Variants in KIRREL3 observed in about 807,000 individuals in gnomAD.
KIRREL3 encodes kin of IRRE-like protein 3.
In KIRREL3, 36 loss-of-function variants were observed where a neutral mutation model predicts 89.7. The observed-to-expected ratio is 0.40, with a 90% CI of 0.31 to 0.53. The LOEUF (loss-of-function observed/expected upper bound fraction) is 0.53. Among genes scored for constraint, KIRREL3 ranks in the 20% least tolerant of loss-of-function variants. The pLI is 0.49. For synonymous variants in KIRREL3, 445 were observed against 441.4 expected (o/e 1.01, Z -0.10); for missense variants, 864 against 1,056.6 (o/e 0.82, Z 2.53).
At chr11:126,468,734 G>C (rs1011818045) in intron 5 of KIRREL3, among the ~76,000 whole-genome samples, 1 of 152,248 alleles carries the variant, frequency 6.6e-6, no homozygotes, top group African/African-American at 2.4e-5. Flanking sequence ...CATTTATCCA[G>C]TCCTTACTCC....
At chr11:126,425,997 C>T (rs758108216) in intron 15 of KIRREL3, among the ~76,000 whole-genome samples, 1 of 152,184 alleles carries the variant, frequency 6.6e-6, no homozygotes, top group Non-Finnish European at 1.5e-5. Flanking sequence ...CTCGCTTGGG[C>T]GAGGGCATCA....
In KIRREL3 at chr11:126,501,156, T is replaced by C. The variant is rs1957848522; in HGVS notation, c.433+20159A>G. Among the ~76,000 whole-genome samples, 1 of 152,332 alleles carries C rather than the reference T, an allele frequency of 6.6e-6. No homozygotes were observed. The highest frequency in any genetic ancestry group is 2.4e-5 in the African/African-American group (1 of 41,572). ...TGCAAGGACACTACTGGTGGACAGC[T>C]GGTCCGTCCCACACTTTTCTCTGCA... On this transcript the variant is annotated intron_variant, in intron 4 of 16. Coordinates refer to ENST00000525144, the MANE Select transcript of KIRREL3 (RefSeq NM_032531.4). The surrounding 1 kb of genome is among the most constrained non-coding windows in gnomAD (Gnocchi z 5.8).
Position 126,734,812 on chromosome 11 carries a change from G to T in KIRREL3, c.56-171900C>A, listed in dbSNP as rs1003826339. Among the ~76,000 whole-genome samples, 7 of 152,200 alleles carry T rather than the reference G, an allele frequency of 4.6e-5. No homozygotes were observed. The highest frequency in any genetic ancestry group is 1.3e-4 in the Admixed American group (2 of 15,272). On this transcript the variant is annotated intron_variant, in intron 1 of 16. Coordinates refer to ENST00000525144, the MANE Select transcript of KIRREL3 (RefSeq NM_032531.4). The surrounding 1 kb of genome is among the most constrained non-coding windows in gnomAD (Gnocchi z 5.9). ...TGATGAGCAGGTCAGAGAAGTTTTCGTTGGAGGGGTACTTTCTGAACGATT... is the reference window on the plus strand; with the variant it reads ...TGATGAGCAGGTCAGAGAAGTTTTCTTTGGAGGGGTACTTTCTGAACGATT...
rs149825689 is a variant in KIRREL3 at position 126,781,728 on chromosome 11, C to T, written c.55+218727G>A. ...CGGCCCATGCATCACGCAAGGACAC[C>T]AAAGGGCTCTGTGGGCCACCCGGCT... is the stretch of plus-strand genomic sequence containing the variant. On this transcript the variant is annotated intron_variant, in intron 1 of 16. Coordinates refer to ENST00000525144, the MANE Select transcript of KIRREL3 (RefSeq NM_032531.4). Among the ~76,000 whole-genome samples, 1,113 of 152,236 alleles carry T rather than the reference C, an allele frequency of 7.3e-3. 3 individuals are homozygous for T. Among genetic ancestry groups the T allele is most frequent in the Non-Finnish European group, 0.012 (793 of 68,016 alleles).
Position 126,462,435 on chromosome 11 carries a change from C to T in KIRREL3, c.742+722G>A, listed in dbSNP as rs984885885. ...ATCCCAGCACTTTAGGAGGCCAAGG[C>T]GGGCGGAACACTTGAGGTCAGGAGT... On this transcript the variant is annotated intron_variant, in intron 6 of 16. Transcript: ENST00000525144. The surrounding 1 kb of genome is among the most constrained non-coding windows in gnomAD (Gnocchi z 4.8). 3.3e-5 allele frequency among the ~76,000 whole-genome samples: 5 copies of T among 152,252 alleles called. No homozygotes were observed. Among genetic ancestry groups the T allele is most frequent in the South Asian group, 2.1e-4 (1 of 4,828 alleles).
chr11:126,564,673 T>G lies in KIRREL3; in HGVS notation c.56-1761A>C, dbSNP rs373663666. Among the ~76,000 whole-genome samples, 14 of 152,330 alleles carry G rather than the reference T, an allele frequency of 9.2e-5. No homozygotes were observed. Among genetic ancestry groups the G allele is most frequent in the African/African-American group, 3.4e-4 (14 of 41,580 alleles). On this transcript the variant is annotated intron_variant, in intron 1 of 16. Coordinates refer to ENST00000525144, the MANE Select transcript of KIRREL3 (RefSeq NM_032531.4). The surrounding 1 kb of genome is among the most constrained non-coding windows in gnomAD (Gnocchi z 7.4). ...AGGCCTTGGCCCTTTCTTCAGGGGCTCCTGCTCTGTCGCAGGCCTCATGGA... is the reference window on the plus strand; with the variant it reads ...AGGCCTTGGCCCTTTCTTCAGGGGCGCCTGCTCTGTCGCAGGCCTCATGGA...
chr11:126,467,558 G>A lies in KIRREL3; in HGVS notation c.592-4251C>T, dbSNP rs561252508. The stretch of plus-strand genomic sequence containing the variant: ...GGCAAACCGTCTGGAAAGGCCGAGA[G>A]TAGCCTGATTGCCTGGCAGCAAGGC... On this transcript the variant is annotated intron_variant, in intron 5 of 16. Transcript: ENST00000525144. 8.2e-4 allele frequency among the ~76,000 whole-genome samples: 125 copies of A among 152,212 alleles called. 1 individual carries two copies. In the Middle Eastern group the frequency reaches 0.045, roughly 54 times the overall value.
intron 7 of KIRREL3, 73 bp downstream of exon 7, chr11:126,456,276 G>A (rs1367488690): frequency 1.0e-6 from 1 of 986,224 alleles, no homozygotes; most frequent in East Asian, 2.6e-5. Flanking sequence ...AGGACCCTAA[G>A]TGACATCCCA....
chr11:126,699,727 G>A (rs1457815066), intron 1 of KIRREL3, among the ~76,000 whole-genome samples: 1 of 152,244 alleles, frequency 6.6e-6, no homozygotes, highest in African/African-American at 2.4e-5. Context: ...AGATGGTATA[G>A]AGCCAGAGCT....
intron 1 of KIRREL3, among the ~76,000 whole-genome samples, chr11:126,688,195 T>TACCTCTTCACCCAGCTCTGGCC (rs1946740239): frequency 2.0e-5 from 3 of 152,224 alleles, no homozygotes; most frequent in South Asian, 2.1e-4. Context: ...GGTCTCTGGC[T>TACCTCTTCACCCAGCTCTGGCC]ACCTCTTCAC....
chr11:126,939,656 G>A (rs928238660), intron 1 of KIRREL3, among the ~76,000 whole-genome samples: 1 of 152,160 alleles, frequency 6.6e-6, no homozygotes, highest in African/African-American at 2.4e-5. Flanking sequence ...GTACCTTTGT[G>A]AGGAGCAAGC....
At chr11:126,884,736 A>G (rs1592280099) in intron 1 of KIRREL3, among the ~76,000 whole-genome samples, 1 of 152,054 alleles carries the variant, frequency 6.6e-6, no homozygotes, top group Non-Finnish European at 1.5e-5. Flanking sequence ...AGATAAGGAG[A>G]TTTGCCAAGA....
At chr11:126,895,368 CAGG>C (rs1233463218) in intron 1 of KIRREL3, among the ~76,000 whole-genome samples, 1 of 148,440 alleles carries the variant, frequency 6.7e-6, no homozygotes, top group Non-Finnish European at 1.5e-5. Flanking sequence ...GAGGCTGAGG[CAGG>C]AGAATTGCTT....
chr11:126,603,380 A>G (rs78717443), intron 1 of KIRREL3, among the ~76,000 whole-genome samples: 5,567 of 152,288 alleles, frequency 0.037, 310 homozygotes, highest in African/African-American at 0.13. Context: ...ATGAGGGGGC[A>G]GAAGCTGCCT....
rs529627697 is a variant in KIRREL3, at chr11:126,976,648, G to A, written c.55+23807C>T. On this transcript the variant is annotated intron_variant, in intron 1 of 16. Coordinates refer to ENST00000525144, the MANE Select transcript of KIRREL3 (RefSeq NM_032531.4). This position sits in a 1 kb window ranked among gnomAD's most constrained non-coding sequence, Gnocchi z 4.2. Reference sequence around the variant, plus strand: ...CAGATTTGTTTTAAACATACCATAAGCATCATCATTATTATAGTGATAGTT... The same window carrying A: ...CAGATTTGTTTTAAACATACCATAAACATCATCATTATTATAGTGATAGTT... Among the ~76,000 whole-genome samples the A allele has an allele frequency of 6.6e-6, 1 of 152,096 alleles. No individual in the cohort carries two copies. Among genetic ancestry groups the A allele is most frequent in the African/African-American group, 2.4e-5 (1 of 41,486 alleles).
rs10616492 is a variant in KIRREL3 at position 126,755,823 on chromosome 11, CAGAGAG to C, written c.56-192917_56-192912del. On this transcript the variant is annotated intron_variant, in intron 1 of 16. Coordinates refer to ENST00000525144, the MANE Select transcript of KIRREL3 (RefSeq NM_032531.4). This position sits in a 1 kb window ranked among gnomAD's most constrained non-coding sequence, Gnocchi z 4.3. ...GCGTGCTCGCCATCTGCCATTCAGG[CAGAGAG>C]AGAGAGAGAGAGAGAGAGAGAGAGA... 0.58 allele frequency among the ~76,000 whole-genome samples: 85,795 copies of C among 147,722 alleles called. 24,929 individuals carry two copies. Among genetic ancestry groups the C allele is most frequent in the East Asian group, 0.82 (4,093 of 4,974 alleles).
chr11:126,816,913 T>A (rs1225520195), intron 1 of KIRREL3, among the ~76,000 whole-genome samples: 3 of 152,164 alleles, frequency 2.0e-5, no homozygotes, highest in Non-Finnish European at 4.4e-5. Context: ...CTGCTTCTAA[T>A]CATAGACTCA....
In KIRREL3 at chr11:126,797,112, T is replaced by C. The variant is rs878966239; in HGVS notation, c.55+203343A>G. On this transcript the variant is annotated intron_variant, in intron 1 of 16. Coordinates refer to ENST00000525144, the MANE Select transcript of KIRREL3 (RefSeq NM_032531.4). The surrounding 1 kb of genome is among the most constrained non-coding windows in gnomAD (Gnocchi z 4.9). Reference sequence around the variant, plus strand: ...CATTCAGATCCCCCAGAGCCCACATTCGGGGCCACCTGGAGTTAGCAAATC... The same window carrying C: ...CATTCAGATCCCCCAGAGCCCACATCCGGGGCCACCTGGAGTTAGCAAATC... Among the ~76,000 whole-genome samples, 3 of 152,062 alleles carry C rather than the reference T, an allele frequency of 2.0e-5. No individual in the cohort carries two copies. The highest frequency in any genetic ancestry group is 7.2e-5 in the African/African-American group (3 of 41,408).
At chr11:126,930,472 T>TGCCC (rs1947904197) in intron 1 of KIRREL3, among the ~76,000 whole-genome samples, 1 of 152,130 alleles carries the variant, frequency 6.6e-6, no homozygotes, top group Non-Finnish European at 1.5e-5. Context: ...ACTGCGGAGG[T>TGCCC]AGCTGCCAGT....
Sources: gnomAD v4.1 joint callset for allele counts (sites outside exome capture counted in the v4.1 genomes callset) on GRCh38, gnomAD v4.1.1 for gene constraint, Gnocchi (gnomAD v3.1) non-coding constraint, MANE v1.5 for transcripts, NCBI Gene and HGNC (gene_info 2026-07-23, HGNC 2026-07-21) for gene names.